The following ARL15 variants were observed in gnomAD, a reference collection of about 807,000 sequenced individuals.
ARL15 encodes ADP-ribosylation factor-like protein 15.
In ARL15, 19 loss-of-function variants were observed where a neutral mutation model predicts 25.2. The observed-to-expected ratio is 0.75, with a 90% CI of 0.53 to 1.10. The LOEUF (loss-of-function observed/expected upper bound fraction) is 1.10. Among genes scored for constraint, ARL15 ranks in the 50% least tolerant of loss-of-function variants. The pLI, the probability that ARL15 is intolerant of heterozygous loss-of-function variation, is 0.00. For synonymous variants in ARL15, 94 were observed against 86.8 expected, an observed-to-expected ratio of 1.08 and a Z score of -0.46; for missense variants, 220 against 246.0, an observed-to-expected ratio of 0.89 and a Z score of 0.71.
chr5:54,173,469 C>T (rs1159815497), intron 1 of ARL15, among the ~76,000 whole-genome samples: 1 of 152,118 alleles, frequency 6.6e-6, no homozygotes, highest in East Asian at 1.9e-4. Flanking sequence ...TGATTCATCT[C>T]ACTCAGATAA....
intron 3 of ARL15, among the ~76,000 whole-genome samples, chr5:54,152,488 G>A (rs555009024): frequency 1.3e-5 from 2 of 152,154 alleles, no homozygotes; most frequent in African/African-American, 2.4e-5. Context: ...ATGTGACACA[G>A]GATACACAAT....
chr5:53,925,802 T>C (rs1265029730), intron 4 of ARL15, among the ~76,000 whole-genome samples: 1 of 151,988 alleles, frequency 6.6e-6, no homozygotes, highest in African/African-American at 2.4e-5. Flanking sequence ...AGCAAGACCT[T>C]GTCTTTAAAA....
chr5:54,041,896 A>G (rs1750354055), intron 4 of ARL15, among the ~76,000 whole-genome samples: 1 of 152,206 alleles, frequency 6.6e-6, no homozygotes, highest in South Asian at 2.1e-4. Flanking sequence ...TTGTTTGGTA[A>G]AAAATCCTCC....
intron 1 of ARL15, among the ~76,000 whole-genome samples, chr5:54,303,724 A>C (rs753865990): frequency 1.3e-5 from 2 of 148,374 alleles, no homozygotes; most frequent in Non-Finnish European, 3.0e-5. Context: ...GGAAAAAAAG[A>C]AGAAAAAGGA....
Position 54,101,286 on chromosome 5 carries a change from A to C in ARL15, c.462+11916T>G, listed in dbSNP as rs560214726. Among the ~76,000 whole-genome samples the C allele has an allele frequency of 2.6e-5, 4 of 152,152 alleles. No homozygotes were observed. The South Asian group carries it at 8.3e-4, about 31-fold the overall frequency. ...TTCGGCTTTACCAGGCTAAAGAAACATATGACAAAATTTTGACTAACTAGA... is the reference window on the plus strand; with the variant it reads ...TTCGGCTTTACCAGGCTAAAGAAACCTATGACAAAATTTTGACTAACTAGA... On this transcript the variant is annotated intron_variant, in intron 4 of 4. Transcript: ENST00000504924.
intron 3 of ARL15, among the ~76,000 whole-genome samples, chr5:54,147,134 AAGCCTAAGTG>A (rs1753934814): frequency 1.3e-5 from 2 of 152,172 alleles, no homozygotes; most frequent in Non-Finnish European, 2.9e-5. Context: ...AGTATAGGCT[AAGCCTAAGTG>A]AGAAAGTACA....
At chr5:54,124,068 A>G (rs900105527) in intron 3 of ARL15, among the ~76,000 whole-genome samples, 1 of 152,146 alleles carries the variant, frequency 6.6e-6, no homozygotes, top group Non-Finnish European at 1.5e-5. Flanking sequence ...ATGATGTTAC[A>G]CCTACTGTCT....
chr5:54,027,055 C>A (rs558473653), intron 4 of ARL15, among the ~76,000 whole-genome samples: 6 of 152,204 alleles, frequency 3.9e-5, no homozygotes, highest in African/African-American at 1.4e-4. Flanking sequence ...AACTAAAGTG[C>A]ATTTTGTTAT....
At chr5:53,941,129 A>G (rs1746527256) in intron 4 of ARL15, among the ~76,000 whole-genome samples, 1 of 152,184 alleles carries the variant, frequency 6.6e-6, no homozygotes, top group South Asian at 2.1e-4. Context: ...AAACCAAAGC[A>G]TTAGTCATTC....
intron 4 of ARL15, among the ~76,000 whole-genome samples, chr5:53,925,174 C>G (rs1216339264): frequency 2.0e-5 from 3 of 151,080 alleles, no homozygotes; most frequent in Non-Finnish European, 4.4e-5. Flanking sequence ...ATTTAAAAAC[C>G]TACAGTTTCA....
intron 1 of ARL15, among the ~76,000 whole-genome samples, chr5:54,230,076 A>G (rs1402105904): frequency 6.6e-6 from 1 of 152,122 alleles, no homozygotes; most frequent in Non-Finnish European, 1.5e-5. Context: ...TTTTTAGAGC[A>G]GTGCTCTGCT....
At chr5:54,279,215 T>A (rs1192683394) in intron 1 of ARL15, among the ~76,000 whole-genome samples, 1 of 198 alleles carries the variant, frequency 5.1e-3, no homozygotes, top group African/African-American at 5.2e-3. Context: ...TTTGTTTTTG[T>A]TTTTTTTTTT....
intron 4 of ARL15, among the ~76,000 whole-genome samples, chr5:54,062,472 T>C (rs1012682827): frequency 6.6e-6 from 1 of 151,032 alleles, no homozygotes; most frequent in Admixed American, 6.6e-5. Context: ...TTTCCTGCGC[T>C]GTTCTTGTGA....
rs150646521 is a variant in ARL15 at position 54,291,722 on chromosome 5, T to A, written c.48+18710A>T. Reference sequence around the variant, plus strand: ...TGAACAGGCCCCACTAGTTCCCATCTGATCCCTGTATAATCCATCTTCCAT... The same window carrying A: ...TGAACAGGCCCCACTAGTTCCCATCAGATCCCTGTATAATCCATCTTCCAT... On this transcript the variant is annotated intron_variant, in intron 1 of 4. Coordinates refer to ENST00000504924, the MANE Select transcript of ARL15 (RefSeq NM_019087.3). Among the ~76,000 whole-genome samples, 547 of 152,328 alleles carry A rather than the reference T, an allele frequency of 3.6e-3. 3 individuals are homozygous for A. Among genetic ancestry groups the A allele is most frequent in the African/African-American group, 0.013 (531 of 41,560 alleles).
chr5:53,933,921 C>T (rs754400473), intron 4 of ARL15, among the ~76,000 whole-genome samples: 8 of 152,066 alleles, frequency 5.3e-5, no homozygotes, highest in East Asian at 1.9e-4. Flanking sequence ...TGTAAATGAC[C>T]GCTGTGTGGG....
intron 4 of ARL15, among the ~76,000 whole-genome samples, chr5:53,999,772 T>G (rs1334776770): frequency 6.6e-6 from 1 of 151,896 alleles, no homozygotes; most frequent in Admixed American, 6.6e-5. Context: ...GGCACATGCC[T>G]GTAATCTCAG....
At chr5:54,015,734 G>A (rs918839947) in intron 4 of ARL15, among the ~76,000 whole-genome samples, 1 of 152,030 alleles carries the variant, frequency 6.6e-6, no homozygotes, top group African/African-American at 2.4e-5. Flanking sequence ...GTGTGTTGCT[G>A]GTGCTCAGGA....
rs1744541943 is a variant in ARL15, at chr5:53,886,830, T to G, written c.463-117A>C. 3.2e-6 allele frequency: 3 copies of G among 943,278 alleles called. No individual in the cohort carries two copies. In the African/African-American group the frequency reaches 5.0e-5, roughly 16 times the overall value. 58.4% of individuals were successfully genotyped at this position (943,278 alleles called of 1,614,324 possible). On this transcript the variant is annotated intron_variant, in intron 4 of 4. Transcript: ENST00000504924. ...GAGGCGGAATTTATACGAACTGTGA[T>G]GCCTACAACTTTGCAATGTGGATGC...
intron 1 of ARL15, among the ~76,000 whole-genome samples, chr5:54,298,583 T>C (rs945026229): frequency 1.3e-5 from 2 of 152,166 alleles, no homozygotes; most frequent in African/African-American, 4.8e-5. Flanking sequence ...TTCTCTTCTC[T>C]TTCCTGGTGA....
Sources: allele counts gnomAD v4.1 joint callset (sites outside exome capture counted in the v4.1 genomes callset), GRCh38; gene constraint gnomAD v4.1.1; transcripts MANE v1.5; gene names NCBI Gene and HGNC (gene_info 2026-07-23, HGNC 2026-07-21).